Variants in TMEM132E observed in about 807,000 individuals in gnomAD.
The protein encoded by TMEM132E is transmembrane protein 132E.
In TMEM132E, 49 loss-of-function variants were observed where a neutral mutation model predicts 78.5. The observed-to-expected ratio is 0.62, with a 90% CI of 0.50 to 0.79. TMEM132E has a LOEUF of 0.79. Ranked by LOEUF, TMEM132E falls within the 30% of genes least tolerant of loss-of-function variation. TMEM132E has a pLI of 0.00. For missense variants in TMEM132E, 1,403 were observed against 1,470.9 expected (o/e 0.95, Z 0.75); for synonymous variants, 715 against 670.6 (o/e 1.07, Z -1.02).
At chr17:34,627,117 T>G in intron 2 of TMEM132E, 60 bp downstream of exon 2, 4 of 642,888 alleles carry the variant, frequency 6.2e-6, no homozygotes, top group Middle Eastern at 2.8e-4. Context: ...CATACCTGAC[T>G]CCTTGTGGGT....
At chr17:34,621,865 A>T (rs1906971655) in intron 1 of TMEM132E, among the ~76,000 whole-genome samples, 1 of 152,038 alleles carries the variant, frequency 6.6e-6, no homozygotes, top group Admixed American at 6.6e-5. Flanking sequence ...TGGAGGGCAT[A>T]GGCACACCTT....
At chr17:34,581,931 C>A (rs918041519) in intron 1 of TMEM132E, among the ~76,000 whole-genome samples, 1 of 151,974 alleles carries the variant, frequency 6.6e-6, no homozygotes, top group African/African-American at 2.4e-5. Flanking sequence ...TGGGGGGCAG[C>A]GGGTTTTTGA....
intron 2 of TMEM132E, among the ~76,000 whole-genome samples, chr17:34,627,638 C>G (rs2142080946): frequency 6.6e-6 from 1 of 152,108 alleles, no homozygotes; most frequent in South Asian, 2.1e-4. Flanking sequence ...CACATCCACC[C>G]CAAAAATGAT....
chr17:34,601,509 T>C (rs1241180884), intron 1 of TMEM132E, among the ~76,000 whole-genome samples: 2 of 152,208 alleles, frequency 1.3e-5, no homozygotes, highest in Non-Finnish European at 2.9e-5. Flanking sequence ...TTTGTACTGA[T>C]GGAGGACTCC....
intron 2 of TMEM132E, among the ~76,000 whole-genome samples, chr17:34,627,467 C>CGTGGGTGTGTGTGTGTGTGTGTGT (rs1907191489): frequency 7.9e-6 from 1 of 126,470 alleles, no homozygotes. Context: ...CCAAAAGAAT[C>CGTGGGTGTGTGTGTGTGTGTGTGT]GTGTGTGTGT....
intron 1 of TMEM132E, among the ~76,000 whole-genome samples, chr17:34,623,458 A>G (rs992601690): frequency 2.1e-5 from 3 of 146,184 alleles, no homozygotes; most frequent in African/African-American, 7.7e-5. Context: ...GAGCCCACTG[A>G]CCACAGCTGC....
chr17:34,625,903 G>A (rs1368613557), intron 1 of TMEM132E, among the ~76,000 whole-genome samples: 2 of 152,214 alleles, frequency 1.3e-5, no homozygotes, highest in African/African-American at 2.4e-5. Flanking sequence ...TGGGTGAGAG[G>A]GTAATTCACA....
chr17:34,635,077 C>T lies in TMEM132E; in HGVS notation c.1967C>T (p.Thr656Ile), dbSNP rs1286576106. The T allele has an allele frequency of 1.9e-6, 3 of 1,612,182 alleles. No homozygotes were observed. The African/African-American group carries it at 4.0e-5, about 22-fold the overall frequency. Residue 656 changes from threonine to isoleucine, a missense_variant, in exon 7 of 9, where the codon ACC (threonine) becomes ATC (isoleucine). Coordinates refer to ENST00000631683, the MANE Select transcript of TMEM132E (RefSeq NM_001304438.2). ...CTGGCAGGACTGGAGCCAGGCACCACCCCCTTTAAGGTAGGTATGGGCTCT... is the reference window on the plus strand; with the variant it reads ...CTGGCAGGACTGGAGCCAGGCACCATCCCCTTTAAGGTAGGTATGGGCTCT... ...STLAGLEPGT[T>I]PFKVVSPLTE...
At chr17:34,605,011 G>A (rs1362447446) in intron 1 of TMEM132E, among the ~76,000 whole-genome samples, 1 of 152,168 alleles carries the variant, frequency 6.6e-6, no homozygotes, top group Non-Finnish European at 1.5e-5. Context: ...TTAAGCTGGA[G>A]ACCTCTACTT....
intron 1 of TMEM132E, among the ~76,000 whole-genome samples, chr17:34,588,209 C>A (rs1905745022): frequency 6.6e-6 from 1 of 152,224 alleles, no homozygotes; most frequent in African/African-American, 2.4e-5. Flanking sequence ...GCCTACTCAG[C>A]TGTCAGGGCA....
chr17:34,638,489 C>A lies in TMEM132E; in HGVS notation c.*257C>A, dbSNP rs1907630849. 2 of 447,268 alleles carry A rather than the reference C, an allele frequency of 4.5e-6. No homozygotes were observed. The highest frequency in any genetic ancestry group is 7.8e-6 in the Non-Finnish European group (2 of 255,844). The allele number at this position is 447,268 out of a possible 1,614,324, so 27.7% of individuals were successfully genotyped here. On this transcript the variant is annotated 3_prime_UTR_variant, in exon 9 of 9. Coordinates refer to ENST00000631683, the MANE Select transcript of TMEM132E (RefSeq NM_001304438.2). The stretch of plus-strand genomic sequence containing the variant: ...CTCGTAAGGAGGAAAGCAACCCCAG[C>A]CTCTGTTCTGCCCTTTCCAAACCTC...
At chr17:34,631,752 G>T (rs190889937) in intron 5 of TMEM132E, among the ~76,000 whole-genome samples, 82 of 152,158 alleles carry the variant, frequency 5.4e-4, no homozygotes, top group African/African-American at 1.9e-3. Context: ...GAGCCTTCAG[G>T]GCATCATCAG....
intron 1 of TMEM132E, among the ~76,000 whole-genome samples, chr17:34,585,570 G>T (rs890553936): frequency 2.0e-5 from 3 of 152,198 alleles, no homozygotes; most frequent in Admixed American, 1.3e-4. Flanking sequence ...GACTGGCCAA[G>T]CTCACTCTGC....
intron 1 of TMEM132E, among the ~76,000 whole-genome samples, chr17:34,613,785 TG>T (rs369585475): frequency 2.1e-4 from 32 of 152,144 alleles, no homozygotes; most frequent in Admixed American, 1.8e-3. Flanking sequence ...CTCCAGGCCC[TG>T]GGGGGTTGGT....
chr17:34,593,909 G>C (rs368444021), intron 1 of TMEM132E, among the ~76,000 whole-genome samples: 1 of 152,124 alleles, frequency 6.6e-6, no homozygotes, highest in Non-Finnish European at 1.5e-5. Flanking sequence ...GCTCGTCTCC[G>C]GTCACGCTGG....
chr17:34,610,564 C>T (rs759308188), intron 1 of TMEM132E, among the ~76,000 whole-genome samples: 4 of 152,138 alleles, frequency 2.6e-5, no homozygotes, highest in African/African-American at 4.8e-5. Flanking sequence ...GGTGATGCTG[C>T]GAGAAAAAGG....
intron 1 of TMEM132E, among the ~76,000 whole-genome samples, chr17:34,581,726 C>T (rs1248117741): frequency 2.0e-5 from 3 of 151,956 alleles, no homozygotes; most frequent in Non-Finnish European, 2.9e-5. Context: ...GCCCGGAGGG[C>T]GGGGGTCTGG....
chr17:34,628,632 G>A lies in TMEM132E; in HGVS notation c.1068G>A (p.Ser356=), dbSNP rs201228041. The change falls in exon 3 of 9, where the codon TCG becomes TCA. Residue 356 remains serine, a synonymous_variant. Coordinates refer to ENST00000631683, the MANE Select transcript of TMEM132E (RefSeq NM_001304438.2). ...KSRSGQWHVT[S]ELLTGAKHST... ...GGAGTGGCCAGTGGCATGTGACCTC[G>A]GAGCTGCTGACTGGGGCAAAGCACT... 24 of 1,613,668 alleles carry A rather than the reference G, an allele frequency of 1.5e-5. No homozygotes were observed. Among genetic ancestry groups the A allele is most frequent in the Admixed American group, 3.3e-5 (2 of 59,978 alleles).
rs939981738 is a variant in TMEM132E, at chr17:34,581,455, G to C, written c.67+312G>C. 2.0e-5 allele frequency among the ~76,000 whole-genome samples: 3 copies of C among 151,806 alleles called. No homozygotes were observed. In the East Asian group the frequency reaches 5.9e-4, roughly 30 times the overall value. ...CCCACGGAAATCTAGAGGGATCCGA[G>C]GGATCCTCCGGATCGCGTCCAGGCC... On this transcript the variant is annotated intron_variant, in intron 1 of 8. Coordinates refer to ENST00000631683, the MANE Select transcript of TMEM132E (RefSeq NM_001304438.2).
Sources: allele counts gnomAD v4.1 joint callset (sites outside exome capture counted in the v4.1 genomes callset), GRCh38; gene constraint gnomAD v4.1.1; transcripts MANE v1.5; gene names NCBI Gene and HGNC (gene_info 2026-07-23, HGNC 2026-07-21).